The following SLC14A2 variants were observed in gnomAD, a reference collection of about 807,000 sequenced individuals.
SLC14A2 encodes the protein urea transporter 2.
A neutral mutation model predicts 104.6 loss-of-function variants in SLC14A2; 91 were observed. The observed-to-expected ratio is 0.87, with a 90% CI of 0.73 to 1.04. The LOEUF is 1.04. SLC14A2 is among the 50% of genes least tolerant of loss of function. SLC14A2 has a pLI of 0.00. For missense variants in SLC14A2, 1,189 were observed against 1,156.0 expected, an observed-to-expected ratio of 1.03 and a Z score of -0.41; for synonymous variants, 476 against 466.4, an observed-to-expected ratio of 1.02 and a Z score of -0.27.
At chr18:45,326,438 A>G (rs1409818930) in intron 1 of SLC14A2, among the ~76,000 whole-genome samples, 1 of 152,160 alleles carries the variant, frequency 6.6e-6, no homozygotes. Context: ...AATGTATAGG[A>G]AAGCTACTGA....
At chr18:45,337,100 G>A (rs1396377086) in intron 1 of SLC14A2, among the ~76,000 whole-genome samples, 1 of 152,110 alleles carries the variant, frequency 6.6e-6, no homozygotes, top group Non-Finnish European at 1.5e-5. Context: ...AGCAGGATGG[G>A]AGTTCAGAAT....
intron 1 of SLC14A2, among the ~76,000 whole-genome samples, chr18:45,263,199 A>T (rs2084557262): frequency 6.6e-6 from 1 of 152,126 alleles, no homozygotes; most frequent in South Asian, 2.1e-4. Context: ...ACTTTTGAAG[A>T]GTCTTGGTCA....
At chr18:45,321,329 A>T (rs1480759189) in intron 1 of SLC14A2, among the ~76,000 whole-genome samples, 1 of 152,270 alleles carries the variant, frequency 6.6e-6, no homozygotes, top group East Asian at 1.9e-4. Context: ...AAATATTGTC[A>T]TACGATTTTA....
chr18:45,613,154 C>A (rs2044999747), upstream of SLC14A2, among the ~76,000 whole-genome samples: 1 of 152,186 alleles, frequency 6.6e-6, no homozygotes, highest in African/African-American at 2.4e-5. Flanking sequence ...CCTGCCTCAG[C>A]CTCCCGAGTA....
chr18:45,394,616 A>G (rs369844365), intron 1 of SLC14A2, among the ~76,000 whole-genome samples: 3 of 152,044 alleles, frequency 2.0e-5, no homozygotes, highest in African/African-American at 7.2e-5. Flanking sequence ...TATGGAGTAT[A>G]TTTTCATATA....
intron 1 of SLC14A2, among the ~76,000 whole-genome samples, chr18:45,329,328 C>G (rs2144256686): frequency 6.6e-6 from 1 of 152,242 alleles, no homozygotes; most frequent in East Asian, 1.9e-4. Context: ...ACTTGGGGAG[C>G]CTTAGGGATG....
chr18:45,576,802 C>T (rs2044424680), intron 2 of SLC14A2, among the ~76,000 whole-genome samples: 1 of 152,130 alleles, frequency 6.6e-6, no homozygotes, highest in Non-Finnish European at 1.5e-5. Flanking sequence ...GTTTGTTATA[C>T]TCAGAGATGC....
At chr18:45,254,251 C>T (rs535311879) in intron 1 of SLC14A2, among the ~76,000 whole-genome samples, 6 of 152,334 alleles carry the variant, frequency 3.9e-5, no homozygotes, top group African/African-American at 1.4e-4. Context: ...GGTCTGTTAA[C>T]TGGGTAAATT....
At chr18:45,207,766 G>A in the SLC14A2 span, among the ~76,000 whole-genome samples, 1 of 152,164 alleles carries the variant, frequency 6.6e-6, no homozygotes, top group East Asian at 1.9e-4. Flanking sequence ...TTAGTTTAGG[G>A]TGGTTAGAAA....
At chr18:45,494,569 T>A (rs995080489) in intron 2 of SLC14A2, among the ~76,000 whole-genome samples, 133 of 151,214 alleles carry the variant, frequency 8.8e-4, no homozygotes, top group Non-Finnish European at 1.7e-3. Flanking sequence ...AGAAAAAAAA[T>A]TTTTTTTTTT....
At chr18:45,572,999 G>T (rs769881760) in intron 2 of SLC14A2, among the ~76,000 whole-genome samples, 2 of 152,182 alleles carry the variant, frequency 1.3e-5, no homozygotes, top group African/African-American at 4.8e-5. Context: ...AGAATAGTCC[G>T]CCTTTATCCC....
chr18:45,372,400 G>A (rs2085732874), intron 1 of SLC14A2, among the ~76,000 whole-genome samples: 1 of 152,022 alleles, frequency 6.6e-6, no homozygotes, highest in South Asian at 2.1e-4. Flanking sequence ...GGATTGAGCT[G>A]GAGATGATCT....
chr18:45,533,884 T>G (rs572401637), intron 2 of SLC14A2, among the ~76,000 whole-genome samples: 3 of 152,230 alleles, frequency 2.0e-5, no homozygotes, highest in Non-Finnish European at 4.4e-5. Flanking sequence ...GTCCCAGAGA[T>G]TCTGGTATCA....
intron 2 of SLC14A2, among the ~76,000 whole-genome samples, chr18:45,545,489 C>T (rs577083373): frequency 2.6e-5 from 4 of 152,308 alleles, no homozygotes; most frequent in African/African-American, 4.8e-5. Context: ...TAGAAGAGAA[C>T]ATATGTCTGC....
rs773651739 is a variant in SLC14A2, at chr18:45,682,463, G to A, written c.2707G>A (p.Glu903Lys). ...EANRIYYLSQ[E>K]RNRRASIITK... ...CAACCGCATCTACTACCTGTCCCAG[G>A]AGAGAAACAGAAGGGCATCAATCAT... is the stretch of plus-strand genomic sequence containing the variant. Residue 903 changes from glutamate to lysine, a missense_variant, in exon 20 of 20, where the codon GAG (glutamate) becomes AAG (lysine). Coordinates refer to ENST00000255226, the MANE Select transcript of SLC14A2 (RefSeq NM_007163.4). 40 of 1,614,044 alleles carry A rather than the reference G, an allele frequency of 2.5e-5. No homozygotes were observed. The highest frequency in any genetic ancestry group is 3.3e-4 in the Middle Eastern group (2 of 6,084).
At chr18:45,501,244 G>C (rs998005750) in intron 2 of SLC14A2, among the ~76,000 whole-genome samples, 4 of 152,148 alleles carry the variant, frequency 2.6e-5, no homozygotes, top group African/African-American at 9.7e-5. Flanking sequence ...CAAAGGTGAG[G>C]ATAGCCAGGA....
chr18:45,603,935 T>C (rs1036701351), intron 2 of SLC14A2, among the ~76,000 whole-genome samples: 1 of 152,224 alleles, frequency 6.6e-6, no homozygotes, highest in Non-Finnish European at 1.5e-5. Context: ...AAGAACAGTC[T>C]TACTTAGAGA....
chr18:45,543,348 A>G (rs2043919575), intron 2 of SLC14A2, among the ~76,000 whole-genome samples: 1 of 152,038 alleles, frequency 6.6e-6, no homozygotes, highest in Non-Finnish European at 1.5e-5. Context: ...ACACATATAT[A>G]TAAAATTATA....
intron 18 of SLC14A2, among the ~76,000 whole-genome samples, chr18:45,674,090 T>G (rs1020927499): frequency 1.3e-5 from 2 of 152,162 alleles, no homozygotes; most frequent in Non-Finnish European, 2.9e-5. Context: ...TTGGGTGATT[T>G]ACGTCTTCTA....
Sources: allele counts gnomAD v4.1 joint callset (sites outside exome capture counted in the v4.1 genomes callset), GRCh38; gene constraint gnomAD v4.1.1; transcripts MANE v1.5; gene names NCBI Gene and HGNC (gene_info 2026-07-23, HGNC 2026-07-21).